The following CHCHD7 variants were observed in gnomAD, a reference collection of about 807,000 sequenced individuals.
The protein encoded by CHCHD7 is coiled-coil-helix-coiled-coil-helix domain-containing protein 7.
Under a neutral mutation model 10.5 loss-of-function variants are expected in CHCHD7, and 7 were observed. That is an observed-to-expected ratio of 0.67 (90% CI 0.38 to 1.25). CHCHD7 has a LOEUF of 1.25. CHCHD7 is among the 50% of genes most tolerant of loss of function. The probability of loss-of-function intolerance (pLI) is 0.02; values close to 1 mark genes in which losing one functional copy is unlikely to be tolerated. For synonymous variants in CHCHD7, 40 were observed against 36.0 expected, an observed-to-expected ratio of 1.11 and a Z score of -0.40; for missense variants, 100 against 104.5, an observed-to-expected ratio of 0.96 and a Z score of 0.19.
chr8:56,212,411 C>G (rs1214707711), intron 1 of CHCHD7: 2 of 154,918 alleles, frequency 1.3e-5, no homozygotes, highest in African/African-American at 4.8e-5. Context: ...GACCACGGGG[C>G]GTGTGGGCAT....
At position 56,218,287 on chromosome 8, in the gene CHCHD7, A is replaced by G. The variant is rs2129243405; in HGVS notation, c.*852A>G. 4.4e-6 allele frequency: 1 copy of G among 229,238 alleles called. No homozygotes were observed. Among genetic ancestry groups the G allele is most frequent in the African/African-American group, 2.2e-5 (1 of 45,232 alleles). 14.2% of individuals were successfully genotyped at this position (229,238 alleles called of 1,614,324 possible). A position where few individuals can be genotyped will look rare whatever the true frequency, so the allele number is the denominator to read the frequency against. On this transcript the variant is annotated 3_prime_UTR_variant, in exon 4 of 4. Coordinates refer to ENST00000355315, the MANE Select transcript of CHCHD7 (RefSeq NM_001011671.3). ...AACACTGGGATGAGACTAGAACTTC[A>G]CTTTATGATATAAACACAATACGAT...
At position 56,217,823 on chromosome 8, in the gene CHCHD7, A is replaced by G. The variant is rs1250955188; in HGVS notation, c.*388A>G. ...AAGAGTGTGAGGCAAGAGAAGCTGG[A>G]ACCACATTCAGAGAGTATCCTGTAG... On this transcript the variant is annotated 3_prime_UTR_variant, in exon 4 of 4. Coordinates refer to ENST00000355315, the MANE Select transcript of CHCHD7 (RefSeq NM_001011671.3). The G allele has an allele frequency of 4.1e-6, 1 of 241,328 alleles. No homozygotes were observed. The highest frequency in any genetic ancestry group is 8.1e-6 in the Non-Finnish European group (1 of 123,440). The allele number at this position is 241,328 out of a possible 1,614,324, so 14.9% of individuals were successfully genotyped here.
In CHCHD7 at chr8:56,214,660, G is replaced by C. The variant is rs758577696; in HGVS notation, c.47G>C (p.Cys16Ser). ...QRLRDPDINP[C>S]LSESDASTRC... is the part of the protein sequence containing the mutation. ...CTGAGAGATCCTGACATAAATCCTT[G>C]TTTGTCGGTAGGATGGTTTGCTTTA... Residue 16 changes from cysteine (C) to serine (S), a missense_variant, in exon 2 of 4, where the codon TGT becomes TCT. Cys to Ser is a moderately radical substitution (Grantham distance 112, BLOSUM62 -1). Transcript: ENST00000355315. 1 of 1,613,134 alleles carries C rather than the reference G, an allele frequency of 6.2e-7. No homozygotes were observed. The highest frequency in any genetic ancestry group is 8.5e-7 in the Non-Finnish European group (1 of 1,179,344).
chr8:56,216,684 G>A, intron 3 of CHCHD7, 153 bp downstream of exon 3: 1 of 834,398 alleles, frequency 1.2e-6, no homozygotes, highest in Non-Finnish European at 2.0e-6. Flanking sequence ...CTTTAGCCGT[G>A]AAAGATCCTT....
chr8:56,217,243 A>G (rs1813401898), intron 3 of CHCHD7, 88 bp from the exon 4 acceptor site: 1 of 718,986 alleles, frequency 1.4e-6, no homozygotes, highest in Admixed American at 3.0e-5. Context: ...CTTTTTGAGG[A>G]AGCAATAGCA....
At chr8:56,212,358 C>T in intron 1 of CHCHD7, 1 of 153,560 alleles carries the variant, frequency 6.5e-6, no homozygotes, top group Non-Finnish European at 1.5e-5. Flanking sequence ...ACGGCGTGTG[C>T]AGCTTCCGGG....
chr8:56,212,687 C>T (rs1011166012), intron 1 of CHCHD7: 5 of 599,628 alleles, frequency 8.3e-6, no homozygotes, highest in Admixed American at 6.0e-5. Context: ...AGACAAGGCC[C>T]CTTTAGCGGA....
intron 1 of CHCHD7, chr8:56,214,285 G>A (rs924390105): frequency 2.8e-5 from 5 of 181,544 alleles, no homozygotes; most frequent in African/African-American, 9.4e-5. Flanking sequence ...CGCCTAGGTT[G>A]ATCTCGAACT....
At chr8:56,216,377 G>A (rs755021014) in intron 2 of CHCHD7, 56 bp from the exon 3 acceptor site, 1 of 1,601,816 alleles carries the variant, frequency 6.2e-7, no homozygotes, top group Non-Finnish European at 8.5e-7. Flanking sequence ...TTGTTTGTTT[G>A]TTTGCTTTTA....
chr8:56,213,949 G>A lies in CHCHD7; in HGVS notation c.-16-649G>A, dbSNP rs529115416. ...ACCGAATTTCATTCTTATTTTGTAC[G>A]CTAATTGGTGTAAAATAAGGAAGTA... is the stretch of plus-strand genomic sequence containing the variant. On this transcript the variant is annotated intron_variant, in intron 1 of 3. Transcript: ENST00000355315. 414 of 152,300 alleles carry A rather than the reference G, an allele frequency of 2.7e-3. 1 individual carries two copies. Among genetic ancestry groups the A allele is most frequent in the African/African-American group, 9.4e-3 (392 of 41,552 alleles). 9.4% of individuals were successfully genotyped at this position (152,300 alleles called of 1,614,324 possible).
In CHCHD7 at chr8:56,216,439, G is replaced by C. The variant is rs147658323; in HGVS notation, c.61G>C (p.Asp21His). The C allele has an allele frequency of 5.0e-6, 8 of 1,613,832 alleles. No homozygotes were observed. In the African/African-American group the frequency reaches 8.0e-5, roughly 16 times the overall value. ...CCTCTCTTATATCTGTAAGGAATCT[G>C]ATGCTTCCACCAGATGTCTGGATGA... ...PDINPCLSES[D>H]ASTRCLDENN... is the part of the protein sequence containing the mutation. Residue 21 changes from aspartate (D) to histidine (H), a missense_variant, in exon 3 of 4, where the codon GAT (aspartate) becomes CAT (histidine). By Grantham distance (81) the Asp-to-His change is moderately conservative (BLOSUM62 -1). Transcript: ENST00000355315.
In CHCHD7 at chr8:56,211,824, A is replaced by G. The variant is rs1288430557; in HGVS notation, c.-30A>G. 1 of 152,982 alleles carries G rather than the reference A, an allele frequency of 6.5e-6. No homozygotes were observed. Among genetic ancestry groups the G allele is most frequent in the African/African-American group, 2.4e-5 (1 of 41,468 alleles). The allele number at this position is 152,982 out of a possible 1,614,324, so 9.5% of individuals were successfully genotyped here. ...CTGGAGACGGCCTGGGTGCTGGCGA[A>G]GCGGAGGCCGGAGGTGAGTGGTTCC... On this transcript the variant is annotated 5_prime_UTR_variant, in exon 1 of 4. Coordinates refer to ENST00000355315, the MANE Select transcript of CHCHD7 (RefSeq NM_001011671.3).
intron 3 of CHCHD7, chr8:56,216,978 G>A (rs1813385695): frequency 4.6e-6 from 2 of 430,782 alleles, no homozygotes; most frequent in African/African-American, 4.0e-5. Flanking sequence ...TGAACCACGG[G>A]ATCCAGCTAT....
chr8:56,213,647 C>T (rs1207835772), intron 1 of CHCHD7: 1 of 152,236 alleles, frequency 6.6e-6, no homozygotes, highest in African/African-American at 2.4e-5. Flanking sequence ...GACTCGGCCT[C>T]CTAAACTTTT....
In CHCHD7 at chr8:56,216,467, A is replaced by AT; in HGVS notation, c.90dup (p.Asn31Ter). The AT allele has an allele frequency of 6.2e-7, 1 of 1,614,154 alleles. No individual in the cohort carries two copies. Among genetic ancestry groups the AT allele is most frequent in the Non-Finnish European group, 8.5e-7 (1 of 1,179,996 alleles). ...GCTTCCACCAGATGTCTGGATGAAAATAACTATGACAGGGAAAGGTGTTCC... is the reference window on the plus strand; with the variant it reads ...GCTTCCACCAGATGTCTGGATGAAAATTAACTATGACAGGGAAAGGTGTTCC... On this transcript the variant is annotated frameshift_variant, in exon 3 of 4. Coordinates refer to ENST00000355315, the MANE Select transcript of CHCHD7 (RefSeq NM_001011671.3). LOFTEE classifies it high-confidence loss of function.
rs1813463306 is a variant in CHCHD7 at position 56,218,026 on chromosome 8, G to C, written c.*591G>C. ...GTTAGTACATTCACTAGGGGCAAAT[G>C]GGTTTTTCTAAATAAATGACATAAA... On this transcript the variant is annotated 3_prime_UTR_variant, in exon 4 of 4. Transcript: ENST00000355315. 1 of 229,002 alleles carries C rather than the reference G, an allele frequency of 4.4e-6. No individual in the cohort carries two copies. The allele number at this position is 229,002 out of a possible 1,614,324, so 14.2% of individuals were successfully genotyped here. A position where few individuals can be genotyped will look rare whatever the true frequency, so the allele number is the denominator to read the frequency against.
rs1813487798 is a variant in CHCHD7 at position 56,218,475 on chromosome 8, T to A, written c.*1040T>A. The A allele has an allele frequency of 4.6e-6, 1 of 215,106 alleles. No individual in the cohort carries two copies. The allele number at this position is 215,106 out of a possible 1,614,324, so 13.3% of individuals were successfully genotyped here. A position where few individuals can be genotyped will look rare whatever the true frequency, so the allele number is the denominator to read the frequency against. ...ATTGCTTTTGTCCCTTCTCTTCATC[T>A]GGTCTTGGGTCAAGAACATTGTTTT... On this transcript the variant is annotated 3_prime_UTR_variant, in exon 4 of 4. Coordinates refer to ENST00000355315, the MANE Select transcript of CHCHD7 (RefSeq NM_001011671.3).
Position 56,218,460 on chromosome 8 carries a change from T to TC in CHCHD7, c.*1028dup. 1 of 217,368 alleles carries TC rather than the reference T, an allele frequency of 4.6e-6. No homozygotes were observed. The highest frequency in any genetic ancestry group is 1.9e-4 in the South Asian group (1 of 5,368). The allele number at this position is 217,368 out of a possible 1,614,324, so 13.5% of individuals were successfully genotyped here. On this transcript the variant is annotated 3_prime_UTR_variant, in exon 4 of 4. Coordinates refer to ENST00000355315, the MANE Select transcript of CHCHD7 (RefSeq NM_001011671.3). ...TGTGTACTTGAAAACATTGCTTTTG[T>TC]CCCTTCTCTTCATCTGGTCTTGGGT...
At chr8:56,214,470 C>T (rs1015734633) in intron 1 of CHCHD7, 128 bp from the exon 2 acceptor site, 2 of 614,042 alleles carry the variant, frequency 3.3e-6, no homozygotes, top group Non-Finnish European at 2.9e-6. Flanking sequence ...ACAGAGAATA[C>T]ATGAAGTTCC....
Sources: gnomAD v4.1 joint callset for allele counts on GRCh38, gnomAD v4.1.1 for gene constraint, MANE v1.5 for transcripts, NCBI Gene and HGNC (gene_info 2026-07-23, HGNC 2026-07-21) for gene names.